Variants in VAC14 observed in about 807,000 individuals in gnomAD.
VAC14 encodes VAC14 component of PIKFYVE complex, also known as protein VAC14 homolog.
VAC14 carries 47 observed loss-of-function variants against 85.3 expected under a neutral mutation model. The ratio of observed to expected loss-of-function variants is 0.55; its 90% CI spans 0.44 to 0.70. The LOEUF (loss-of-function observed/expected upper bound fraction) is 0.70, where lower values mean the gene tolerates loss of function less well. Ranked by LOEUF, VAC14 falls within the 30% of genes least tolerant of loss-of-function variation. The pLI is 0.00. For missense variants in VAC14, 861 were observed against 1,004.3 expected (o/e 0.86, Z 1.93); for synonymous variants, 447 against 430.5 (o/e 1.04, Z -0.47).
At chr16:70,736,263 C>T (rs1338563816) in intron 13 of VAC14, among the ~76,000 whole-genome samples, 2 of 152,232 alleles carry the variant, frequency 1.3e-5, no homozygotes, top group Non-Finnish European at 2.9e-5. Context: ...GGGTCCGGAG[C>T]CTGCCGCACA....
At chr16:70,776,946 T>C (rs2033551114) in intron 9 of VAC14, among the ~76,000 whole-genome samples, 1 of 152,026 alleles carries the variant, frequency 6.6e-6, no homozygotes. Flanking sequence ...TAGCTTGGAC[T>C]ATAGGCATGC....
rs756152336 is a variant in VAC14, at chr16:70,744,412, A to G, written c.1528+11T>C. The G allele has an allele frequency of 1.2e-5, 19 of 1,613,802 alleles. No homozygotes were observed. The South Asian group carries it at 1.8e-4, about 15-fold the overall frequency. ...GGCCCCTGAGGCTAGAACCTTCAGG[A>G]GAAGACTTACCAGAGGTGTTCAGTA... On this transcript the variant is annotated intron_variant, in intron 13 of 18. Coordinates refer to ENST00000261776, the MANE Select transcript of VAC14 (RefSeq NM_018052.5).
At chr16:70,775,475 C>T (rs985871505) in intron 9 of VAC14, among the ~76,000 whole-genome samples, 1 of 152,236 alleles carries the variant, frequency 6.6e-6, no homozygotes, top group Non-Finnish European at 1.5e-5. Context: ...ATTCTAGGTG[C>T]GGGCCATAGA....
intron 14 of VAC14, 35 bp downstream of exon 14, chr16:70,731,460 G>A (rs201729217): frequency 1.3e-6 from 2 of 1,598,216 alleles, no homozygotes; most frequent in African/African-American, 1.3e-5. Flanking sequence ...CGGGGCCGTG[G>A]GAGGAAGAGG....
intron 1 of VAC14, among the ~76,000 whole-genome samples, chr16:70,786,615 A>C (rs887703925): frequency 6.6e-6 from 1 of 152,224 alleles, no homozygotes; most frequent in Non-Finnish European, 1.5e-5. Context: ...AATCTGAGAG[A>C]ATGCAAATCA....
intron 1 of VAC14, 59 bp downstream of exon 1, chr16:70,800,738 C>A (rs1331829384): frequency 6.7e-7 from 1 of 1,489,496 alleles, no homozygotes; most frequent in Non-Finnish European, 9.3e-7. Context: ...GAGAAGTCCC[C>A]CTGGGGAGCA....
At chr16:70,711,021 C>T (rs1225665223) in intron 14 of VAC14, among the ~76,000 whole-genome samples, 1 of 152,216 alleles carries the variant, frequency 6.6e-6, no homozygotes, top group Non-Finnish European at 1.5e-5. Flanking sequence ...CGCATGGCTT[C>T]AGCTCCACGT....
At chr16:70,734,143 C>T (rs751393306) in intron 13 of VAC14, among the ~76,000 whole-genome samples, 7 of 151,484 alleles carry the variant, frequency 4.6e-5, no homozygotes, top group Non-Finnish European at 8.8e-5. Context: ...TATAGTAATG[C>T]AAGAACAGCC....
chr16:70,788,309 A>C (rs1293974266), intron 1 of VAC14, among the ~76,000 whole-genome samples: 5 of 152,304 alleles, frequency 3.3e-5, no homozygotes, highest in African/African-American at 9.6e-5. Context: ...AATCATATGG[A>C]GCACCTATCA....
At chr16:70,792,159 G>A (rs1476974086) in intron 1 of VAC14, among the ~76,000 whole-genome samples, 4 of 152,236 alleles carry the variant, frequency 2.6e-5, no homozygotes, top group African/African-American at 7.2e-5. Context: ...CTGTGGTGTG[G>A]TCTCTACTTC....
chr16:70,703,764 C>T (rs1472119863), intron 14 of VAC14, among the ~76,000 whole-genome samples: 1 of 152,190 alleles, frequency 6.6e-6, no homozygotes. Flanking sequence ...AAAAGAGCAA[C>T]CTGCCCTCGG....
chr16:70,718,859 C>T (rs1333143149), intron 14 of VAC14, among the ~76,000 whole-genome samples: 1 of 152,144 alleles, frequency 6.6e-6, no homozygotes, highest in Non-Finnish European at 1.5e-5. Context: ...CGTGTCTCTG[C>T]CACTTGGAAG....
chr16:70,744,315 G>C (rs2030653838), intron 13 of VAC14, 108 bp downstream of exon 13: 1 of 1,452,140 alleles, frequency 6.9e-7, no homozygotes, highest in Admixed American at 2.3e-5. Flanking sequence ...CACCCTGGCA[G>C]AGCTCCAGAG....
chr16:70,715,682 C>T (rs1411029537), intron 14 of VAC14: 3 of 152,236 alleles, frequency 2.0e-5, no homozygotes, highest in Non-Finnish European at 2.9e-5. Context: ...TTTTTACCCA[C>T]TTGGTATTTT....
intron 1 of VAC14, 79 bp from the exon 2 acceptor site, chr16:70,786,444 A>G: frequency 1.3e-6 from 2 of 1,560,632 alleles, no homozygotes. Flanking sequence ...GGCAATGAGG[A>G]AGGGAGATGA....
rs1486086125 is a variant in VAC14, at chr16:70,781,876, G to A, written c.939C>T (p.Arg313=). Residue 313 remains arginine, a synonymous_variant, in exon 8 of 19, where the codon CGC becomes CGT. Transcript: ENST00000261776. The stretch of plus-strand genomic sequence containing the variant: ...TCCCAAAGCAAAGGATACTTTTCTT[G>A]CGGTCATCGTAGGCCAAGCAGGGCA... ...AVLPCLAYDD[R]KKSIKEVANV... is the part of the protein sequence containing the mutation. 6.2e-7 allele frequency: 1 copy of A among 1,613,966 alleles called. No individual in the cohort carries two copies. The highest frequency in any genetic ancestry group is 2.2e-5 in the East Asian group (1 of 44,880).
chr16:70,772,283 C>A (rs2033277468), intron 9 of VAC14, 111 bp from the exon 10 acceptor site: 3 of 901,226 alleles, frequency 3.3e-6, no homozygotes, highest in Non-Finnish European at 5.3e-6. Context: ...TACCTTGATT[C>A]AGGCTCTTCA....
chr16:70,722,289 C>T (rs1053822092), intron 14 of VAC14, among the ~76,000 whole-genome samples: 2 of 152,160 alleles, frequency 1.3e-5, no homozygotes, highest in Admixed American at 6.5e-5. Flanking sequence ...TGCAGGGTGG[C>T]GAGTGCCATC....
intron 1 of VAC14, among the ~76,000 whole-genome samples, chr16:70,786,708 C>T (rs1468487111): frequency 1.3e-5 from 2 of 152,202 alleles, no homozygotes; most frequent in African/African-American, 2.4e-5. Flanking sequence ...GCTTTCCATT[C>T]GTGCATCTCA....
Sources: gnomAD v4.1 joint callset for allele counts (sites outside exome capture counted in the v4.1 genomes callset) on GRCh38, gnomAD v4.1.1 for gene constraint, MANE v1.5 for transcripts, NCBI Gene and HGNC (gene_info 2026-07-23, HGNC 2026-07-21) for gene names.